The following RMDN3 variants were observed in gnomAD, a reference collection of about 807,000 sequenced individuals.
RMDN3 encodes the protein regulator of microtubule dynamics protein 3.
In RMDN3, 41 loss-of-function variants were observed where a neutral mutation model predicts 61.8. That is an observed-to-expected ratio of 0.66 (90% CI 0.52 to 0.86). The LOEUF is 0.86. Among genes scored for constraint, RMDN3 ranks in the 40% least tolerant of loss-of-function variants. RMDN3 has a pLI of 0.00. For missense variants in RMDN3, 557 were observed against 585.3 expected (o/e 0.95, Z 0.50); for synonymous variants, 247 against 232.0 (o/e 1.06, Z -0.59).
At chr15:40,753,514 AAAAAAAGAAAAGAAAAG>A (rs899203062) in intron 2 of RMDN3, among the ~76,000 whole-genome samples, 6 of 152,144 alleles carry the variant, frequency 3.9e-5, no homozygotes, top group African/African-American at 9.7e-5. Context: ...CTCCATCTCA[AAAAAAAGAAAAGAAAAG>A]AAAAAAGAAA....
In RMDN3 at chr15:40,754,721, G is replaced by A; in HGVS notation, c.63C>T (p.Ala21=). 1.2e-6 allele frequency: 2 copies of A among 1,613,758 alleles called. No homozygotes were observed. The highest frequency in any genetic ancestry group is 1.7e-6 in the Non-Finnish European group (2 of 1,179,908). ...GGAGGCACAGGAATCCAAGGCCGGC[G>A]GCGGTACCCAGCAACAGTCCCAGCC... is the stretch of plus-strand genomic sequence containing the variant. ...RAGLGLLLGT[A]AGLGFLCLLY... is the part of the protein sequence containing the mutation. Residue 21 remains alanine (A), a synonymous_variant, in exon 2 of 13, where the codon GCC becomes GCT. Coordinates refer to ENST00000338376, the MANE Select transcript of RMDN3 (RefSeq NM_018145.3).
intron 2 of RMDN3, among the ~76,000 whole-genome samples, chr15:40,752,537 G>A (rs933090966): frequency 6.6e-6 from 1 of 151,570 alleles, no homozygotes; most frequent in African/African-American, 2.4e-5. Flanking sequence ...CAATACCAAG[G>A]AGTCAATACC....
chr15:40,746,293 A>G (rs1897549327), intron 4 of RMDN3, among the ~76,000 whole-genome samples: 1 of 152,130 alleles, frequency 6.6e-6, no homozygotes, highest in Admixed American at 6.6e-5. Flanking sequence ...AGGCGGGCGG[A>G]TCAGGAGGTC....
intron 10 of RMDN3, 143 bp downstream of exon 10, chr15:40,737,485 G>T: frequency 9.0e-7 from 1 of 1,114,154 alleles, no homozygotes; most frequent in Non-Finnish European, 1.3e-6. Flanking sequence ...AGCTGTGCAA[G>T]TGATTCTGGT....
In RMDN3 at chr15:40,751,912, C is replaced by T. The variant is rs149626738; in HGVS notation, c.380+74G>A. On this transcript the variant is annotated intron_variant, in intron 3 of 12. Coordinates refer to ENST00000338376, the MANE Select transcript of RMDN3 (RefSeq NM_018145.3). Reference sequence around the variant, plus strand: ...TGGTTTATTCTTTAGAGACAGACAGCGAAGGCCAGAACACACCCCAGCTGA... The same window carrying T: ...TGGTTTATTCTTTAGAGACAGACAGTGAAGGCCAGAACACACCCCAGCTGA... 814 of 1,476,160 alleles carry T rather than the reference C, an allele frequency of 5.5e-4. 4 individuals are homozygous for T. The African/African-American group carries it at 0.01, about 18-fold the overall frequency. The allele number at this position is 1,476,160 out of a possible 1,614,324, so 91.4% of individuals were successfully genotyped here.
At position 40,754,487 on chromosome 15, in the gene RMDN3, C is replaced by A. The variant is rs571131236; in HGVS notation, c.187+110G>T. ...TCAACAAGCTTCCAAAAAAGTGAAA[C>A]CCTAAAGCACTTCTCTCCGTTACCC... On this transcript the variant is annotated intron_variant, in intron 2 of 12. Transcript: ENST00000338376. 1.9e-5 allele frequency: 22 copies of A among 1,152,786 alleles called. No individual in the cohort carries two copies. In the African/African-American group the frequency reaches 3.0e-4, roughly 16 times the overall value. 71.4% of individuals were successfully genotyped at this position (1,152,786 alleles called of 1,614,324 possible). A position where few individuals can be genotyped will look rare whatever the true frequency, so the allele number is the denominator to read the frequency against.
chr15:40,751,891 T>A, intron 3 of RMDN3, 95 bp downstream of exon 3: 1 of 1,352,870 alleles, frequency 7.4e-7, no homozygotes, highest in Non-Finnish European at 1.0e-6. Context: ...TAGAACTGGT[T>A]TATTCTTTAG....
chr15:40,754,506 G>C, intron 2 of RMDN3, 91 bp downstream of exon 2: 1 of 1,324,780 alleles, frequency 7.5e-7, no homozygotes, highest in South Asian at 1.5e-5. Context: ...ACTTCTCTCC[G>C]TTACCCTGTC....
rs571686041 is a variant in RMDN3, at chr15:40,750,486, A to G, written c.524+940T>C. On this transcript the variant is annotated intron_variant, in intron 4 of 12. Transcript: ENST00000338376. ...CCGCCCACCTTGGCCTCCCCCAGGT[A>G]GTTATTTTATGTAGAGACGTGGTCT... Among the ~76,000 whole-genome samples the G allele has an allele frequency of 5.3e-5, 8 of 151,986 alleles. No individual in the cohort carries two copies. In the South Asian group the frequency reaches 1.7e-3, roughly 32 times the overall value.
chr15:40,737,876 G>C, intron 9 of RMDN3, 89 bp downstream of exon 9: 1 of 1,509,370 alleles, frequency 6.6e-7, no homozygotes, highest in Middle Eastern at 1.7e-4. Context: ...CTGAGCCAGA[G>C]AAGGCTGAGG....
chr15:40,736,746 T>C (rs1411316636), intron 12 of RMDN3, 152 bp from the exon 13 acceptor site: 3 of 662,870 alleles, frequency 4.5e-6, no homozygotes, highest in Non-Finnish European at 7.9e-6. Context: ...GCCTATTAAA[T>C]CTGTCTCTTC....
chr15:40,745,791 C>T (rs1242251225), intron 4 of RMDN3, among the ~76,000 whole-genome samples: 2 of 152,266 alleles, frequency 1.3e-5, no homozygotes, highest in South Asian at 2.1e-4. Context: ...AGTCCCTGCT[C>T]GTTTTTGCCT....
intron 12 of RMDN3, 95 bp from the exon 13 acceptor site, chr15:40,736,689 C>G: frequency 1.9e-6 from 2 of 1,039,744 alleles, no homozygotes; most frequent in East Asian, 2.4e-5. Context: ...TGCTTCCTTC[C>G]TGAGCTCTGC....
In RMDN3 at chr15:40,736,245, T is replaced by C; in HGVS notation, c.*296A>G. 4.9e-6 allele frequency: 2 copies of C among 404,428 alleles called. No homozygotes were observed. The highest frequency in any genetic ancestry group is 8.8e-6 in the Non-Finnish European group (2 of 227,864). 25.1% of individuals were successfully genotyped at this position (404,428 alleles called of 1,614,324 possible). A position where few individuals can be genotyped will look rare whatever the true frequency, so the allele number is the denominator to read the frequency against. On this transcript the variant is annotated 3_prime_UTR_variant, in exon 13 of 13. Coordinates refer to ENST00000338376, the MANE Select transcript of RMDN3 (RefSeq NM_018145.3). ...CCACCTCACCAGCAATTGGAAGGTC[T>C]CAGGTCTTGCAGGCTCTACCCATGT...
At chr15:40,754,531 G>C (rs920969389) in intron 2 of RMDN3, 66 bp downstream of exon 2, 6 of 1,464,610 alleles carry the variant, frequency 4.1e-6, no homozygotes, top group Admixed American at 2.2e-5. Flanking sequence ...AGTCTCCACC[G>C]AAAGCAGCCC....
intron 4 of RMDN3, among the ~76,000 whole-genome samples, chr15:40,745,530 A>T (rs1220177163): frequency 1.3e-5 from 2 of 150,108 alleles, no homozygotes; most frequent in Admixed American, 6.7e-5. Context: ...CTCCCACCTA[A>T]TTTTTTTGTA....
At chr15:40,746,070 T>C (rs961811394) in intron 4 of RMDN3, among the ~76,000 whole-genome samples, 7 of 152,168 alleles carry the variant, frequency 4.6e-5, no homozygotes, top group African/African-American at 1.7e-4. Flanking sequence ...GCCAGGTGGC[T>C]CCTAAGGAGC....
chr15:40,753,267 C>T (rs977849993), intron 2 of RMDN3, among the ~76,000 whole-genome samples: 11 of 152,142 alleles, frequency 7.2e-5, no homozygotes, highest in Admixed American at 6.5e-4. Flanking sequence ...TGGTGGCTCA[C>T]GCCTGTAATC....
At chr15:40,754,097 C>G (rs959505094) in intron 2 of RMDN3, among the ~76,000 whole-genome samples, 13 of 148,416 alleles carry the variant, frequency 8.8e-5, no homozygotes, top group African/African-American at 3.3e-4. Flanking sequence ...CTTGTGAGTA[C>G]AGGCGAAAGA....
Sources: gnomAD v4.1 joint callset for allele counts (sites outside exome capture counted in the v4.1 genomes callset) on GRCh38, gnomAD v4.1.1 for gene constraint, MANE v1.5 for transcripts, NCBI Gene and HGNC (gene_info 2026-07-23, HGNC 2026-07-21) for gene names.